SUZ12: variants seen among roughly 807,000 people sequenced by gnomAD.
The protein encoded by SUZ12 is SUZ12 polycomb repressive complex 2 subunit, also known as polycomb protein SUZ12.
A neutral mutation model predicts 87.3 loss-of-function variants in SUZ12; 17 were observed. The ratio of observed to expected loss-of-function variants is 0.19; its 90% CI spans 0.13 to 0.29. The LOEUF (loss-of-function observed/expected upper bound fraction) is 0.29. SUZ12 is among the 10% of genes least tolerant of loss of function. SUZ12 has a pLI of 1.00. For synonymous variants in SUZ12, 253 were observed against 312.4 expected, an observed-to-expected ratio of 0.81 and a Z score of 2.01; for missense variants, 526 against 912.2, an observed-to-expected ratio of 0.58 and a Z score of 5.45.
rs776818650 is a variant in SUZ12, at chr17:31,998,785, C to G, written c.2002C>G (p.Leu668Val). The G allele has an allele frequency of 6.8e-6, 11 of 1,612,716 alleles. No individual in the cohort carries two copies. Among genetic ancestry groups the G allele is most frequent in the Non-Finnish European group, 9.3e-6 (11 of 1,179,330 alleles). Residue 668 changes from leucine (L) to valine (V), a missense_variant, in exon 16 of 16, where the codon CTT (leucine) becomes GTT (valine). Coordinates refer to ENST00000322652, the MANE Select transcript of SUZ12 (RefSeq NM_015355.4). ...LHLVSMHDFN[L>V]ISIMSIDKAV... is the part of the protein sequence containing the mutation. ...TCTAGTCAGCATGCATGACTTTAATCTTATTAGCATAATGTCAATAGATAA... is the reference window on the plus strand; with the variant it reads ...TCTAGTCAGCATGCATGACTTTAATGTTATTAGCATAATGTCAATAGATAA...
Position 31,937,493 on chromosome 17 carries a change from C to A in SUZ12, c.247C>A (p.His83Asn). Residue 83 changes from histidine to asparagine, a missense_variant, in exon 1 of 16, where the codon CAC becomes AAC. By Grantham distance (68) the His-to-Asn change is moderately conservative. This residue lies in a region of SUZ12 where 18 missense variants were observed against 62.3 expected (regional missense o/e 0.29). Transcript: ENST00000322652. ...GAAAATGGAGCACGTCCAGGCTGAC[C>A]ACGAGCTTTTCCTCCAGGCCTTTGA... Reference protein sequence around the residue: ...KPKMEHVQADHELFLQAFEKP... With the variant: ...KPKMEHVQADNELFLQAFEKP... 1 of 1,541,750 alleles carries A rather than the reference C, an allele frequency of 6.5e-7. No individual in the cohort carries two copies. Among genetic ancestry groups the A allele is most frequent in the Non-Finnish European group, 8.7e-7 (1 of 1,146,414 alleles).
chr17:31,949,247 A>G (rs1352155642), intron 4 of SUZ12, among the ~76,000 whole-genome samples: 2 of 152,228 alleles, frequency 1.3e-5, no homozygotes, highest in Non-Finnish European at 2.9e-5. Flanking sequence ...CTCTCTGAAC[A>G]ATTGTTTCCC....
intron 4 of SUZ12, among the ~76,000 whole-genome samples, chr17:31,962,589 T>C (rs1907800245): frequency 6.6e-6 from 1 of 152,180 alleles, no homozygotes; most frequent in South Asian, 2.1e-4. Flanking sequence ...AGACCCTGTC[T>C]GAAAGCAAAA....
intron 3 of SUZ12, among the ~76,000 whole-genome samples, chr17:31,943,756 C>T (rs936766629): frequency 6.6e-5 from 10 of 151,656 alleles, no homozygotes; most frequent in Admixed American, 2.0e-4. Flanking sequence ...GCTGGAGTGC[C>T]GTGGCGCAAT....
intron 6 of SUZ12, among the ~76,000 whole-genome samples, chr17:31,973,485 A>G (rs1230377961): frequency 6.6e-6 from 1 of 152,248 alleles, no homozygotes; most frequent in Admixed American, 6.5e-5. Context: ...ATGTTTTAGC[A>G]TCTGGCATAA....
intron 6 of SUZ12, among the ~76,000 whole-genome samples, chr17:31,973,544 G>A (rs2470249): frequency 6.6e-6 from 1 of 152,178 alleles, no homozygotes; most frequent in East Asian, 1.9e-4. Context: ...TTTCTTAGCT[G>A]TTTGTACCCA....
In SUZ12 at chr17:31,979,613, T is replaced by G. The variant is rs141385272; in HGVS notation, c.917+2999T>G. On this transcript the variant is annotated intron_variant, in intron 8 of 15. Coordinates refer to ENST00000322652, the MANE Select transcript of SUZ12 (RefSeq NM_015355.4). The stretch of plus-strand genomic sequence containing the variant: ...GATTTCCTCTTGATTAGCTTCAGGT[T>G]AAATATTTTTGGCAGGGATTCTAAT... Among the ~76,000 whole-genome samples the G allele has an allele frequency of 2.2e-3, 333 of 152,320 alleles. 1 individual carries two copies. Among genetic ancestry groups the G allele is most frequent in the African/African-American group, 7.3e-3 (303 of 41,576 alleles).
At position 31,999,007 on chromosome 17, in the gene SUZ12, G is replaced by GC. The variant is rs1567841643; in HGVS notation, c.*5dup. 6.5e-7 allele frequency: 1 copy of GC among 1,526,908 alleles called. No homozygotes were observed. Among genetic ancestry groups the GC allele is most frequent in the Non-Finnish European group, 8.7e-7 (1 of 1,143,336 alleles). 94.6% of individuals were successfully genotyped at this position (1,526,908 alleles called of 1,614,324 possible). On this transcript the variant is annotated 3_prime_UTR_variant, in exon 16 of 16. Transcript: ENST00000322652. ...GAGCAAAAAACAAAAACTCTGAAAA[G>GC]CTCTAACCCCATGTTATGGACAAAC...
rs576502239 is a variant in SUZ12 at position 31,990,350 on chromosome 17, T to G, written c.1201+1853T>G. Among the ~76,000 whole-genome samples the G allele has an allele frequency of 5.3e-5, 8 of 151,438 alleles. 1 individual carries two copies. In the South Asian group the frequency reaches 1.7e-3, roughly 32 times the overall value. On this transcript the variant is annotated intron_variant, in intron 10 of 15. Coordinates refer to ENST00000322652, the MANE Select transcript of SUZ12 (RefSeq NM_015355.4). Reference sequence around the variant, plus strand: ...TGGTCTGGACCTCCTGACGTCGTGCTCTGCTCACCTGGGCCTCCCAAAGTG... The same window carrying G: ...TGGTCTGGACCTCCTGACGTCGTGCGCTGCTCACCTGGGCCTCCCAAAGTG...
chr17:31,937,426 G>A lies in SUZ12; in HGVS notation c.180G>A (p.Ala60=). 3 of 1,542,596 alleles carry A rather than the reference G, an allele frequency of 1.9e-6. No homozygotes were observed. The highest frequency in any genetic ancestry group is 1.7e-6 in the Non-Finnish European group (2 of 1,144,858). ...GSYSASSSSS[A]AAAAGAAVLP... ...ACTCGGCCTCCTCCTCCTCCTCCGCGGCGGCAGCGGCGGGGGCTGCGGTGT... is the reference window on the plus strand; with the variant it reads ...ACTCGGCCTCCTCCTCCTCCTCCGCAGCGGCAGCGGCGGGGGCTGCGGTGT... Residue 60 remains alanine, a synonymous_variant, in exon 1 of 16, where the codon GCG becomes GCA. Transcript: ENST00000322652.
At chr17:31,992,619 C>T (rs1333009955) in intron 10 of SUZ12, among the ~76,000 whole-genome samples, 1 of 151,788 alleles carries the variant, frequency 6.6e-6, no homozygotes, top group South Asian at 2.1e-4. Context: ...ACTGTGTTAG[C>T]CAGGATGGTC....
chr17:31,986,088 C>T (rs1233467044), intron 9 of SUZ12, among the ~76,000 whole-genome samples: 1 of 152,060 alleles, frequency 6.6e-6, no homozygotes, highest in African/African-American at 2.4e-5. Flanking sequence ...CTTGCCTCAG[C>T]CTCCTGAATA....
chr17:31,961,683 G>A (rs1418470529), intron 4 of SUZ12, among the ~76,000 whole-genome samples: 1 of 152,206 alleles, frequency 6.6e-6, no homozygotes, highest in African/African-American at 2.4e-5. Context: ...GTTAGTAGTA[G>A]TCTCAATTTC....
rs185158972 is a variant in SUZ12, at chr17:31,985,953, G to T, written c.1024-2367G>T. Among the ~76,000 whole-genome samples, 332 of 149,602 alleles carry T rather than the reference G, an allele frequency of 2.2e-3. 1 individual carries two copies. Among genetic ancestry groups the T allele is most frequent in the African/African-American group, 7.3e-3 (302 of 41,272 alleles). ...TGGGATTACAGGCATGAGCGACCGT[G>T]CCCGGCCTGGCCTTTTTTTGTTTGT... On this transcript the variant is annotated intron_variant, in intron 9 of 15. Transcript: ENST00000322652.
Position 31,995,777 on chromosome 17 carries a change from C to T in SUZ12, c.1794+15C>T. 1 of 1,555,314 alleles carries T rather than the reference C, an allele frequency of 6.4e-7. No individual in the cohort carries two copies. The highest frequency in any genetic ancestry group is 8.8e-7 in the Non-Finnish European group (1 of 1,135,360). ...AAACCATTACAGTAATTATTATTAT[C>T]TTTATTGGCAATTATCTTGGAATAT... On this transcript the variant is annotated intron_variant, in intron 14 of 15. Transcript: ENST00000322652.
chr17:31,988,095 G>T (rs745960761), intron 9 of SUZ12, among the ~76,000 whole-genome samples: 2 of 152,200 alleles, frequency 1.3e-5, no homozygotes, highest in African/African-American at 2.4e-5. Flanking sequence ...TTGCTGATCA[G>T]TGGTCGCCTC....
intron 1 of SUZ12, among the ~76,000 whole-genome samples, chr17:31,939,392 C>T (rs538934159): frequency 6.6e-6 from 1 of 151,516 alleles, no homozygotes; most frequent in Non-Finnish European, 1.5e-5. Context: ...TATCAAGACC[C>T]CTTTTCAAAA....
chr17:31,946,549 A>C lies in SUZ12; in HGVS notation c.387-1068A>C, dbSNP rs373223514. 8.5e-5 allele frequency among the ~76,000 whole-genome samples: 13 copies of C among 152,172 alleles called. No individual in the cohort carries two copies. In the East Asian group the frequency reaches 2.3e-3, roughly 27 times the overall value. ...CTCCCATCTCAAAAACAAAACAAAC[A>C]AAAACAAACAAACACAAAACTCTCT... On this transcript the variant is annotated intron_variant, in intron 3 of 15. Transcript: ENST00000322652.
chr17:31,974,402 C>T (rs1164147179), intron 6 of SUZ12, among the ~76,000 whole-genome samples: 1 of 152,096 alleles, frequency 6.6e-6, no homozygotes, highest in Non-Finnish European at 1.5e-5. Flanking sequence ...TGATGGGCAC[C>T]TGTAGTGCCA....
Sources: allele counts gnomAD v4.1 joint callset (sites outside exome capture counted in the v4.1 genomes callset), GRCh38; gene constraint gnomAD v4.1.1; regional missense constraint gnomAD v4.1.1; transcripts MANE v1.5; gene names NCBI Gene and HGNC (gene_info 2026-07-23, HGNC 2026-07-21).